Variants in DDX19B observed in about 807,000 individuals in gnomAD.
The protein encoded by DDX19B is DEAD-box helicase 19B, also known as ATP-dependent RNA helicase DDX19B.
In DDX19B, 27 loss-of-function variants were observed where a neutral mutation model predicts 58.1. The ratio of observed to expected loss-of-function variants is 0.46; its 90% CI spans 0.34 to 0.64. The LOEUF is 0.64. DDX19B is among the 30% of genes least tolerant of loss of function. The pLI is 0.01. For missense variants in DDX19B, 399 were observed against 596.5 expected (o/e 0.67, Z 3.45); for synonymous variants, 187 against 214.4 (o/e 0.87, Z 1.12).
intron 5 of DDX19B, among the ~76,000 whole-genome samples, chr16:70,320,475 A>G (rs1267037584): frequency 6.6e-6 from 1 of 151,580 alleles, no homozygotes; most frequent in African/African-American, 2.4e-5. Flanking sequence ...GGCGTAAGCA[A>G]TCCTCCCACC....
chr16:70,314,508 A>G (rs2152197375), intron 2 of DDX19B, among the ~76,000 whole-genome samples: 2 of 151,674 alleles, frequency 1.3e-5, no homozygotes, highest in South Asian at 4.2e-4. Flanking sequence ...TAAAAATACA[A>G]AAAAAATTAG....
In DDX19B at chr16:70,315,953, T is replaced by C; in HGVS notation, c.161-16T>C. The stretch of plus-strand genomic sequence containing the variant: ...CAAGGACTTTTTAAAATTCTTTGCT[T>C]TCTTTTTCCTGACAGAGGACAGAGC... On this transcript the variant is annotated splice_polypyrimidine_tract_variant and intron_variant, in intron 3 of 11. Transcript: ENST00000288071. 6.2e-7 allele frequency: 1 copy of C among 1,607,962 alleles called. No homozygotes were observed. Among genetic ancestry groups the C allele is most frequent in the East Asian group, 2.2e-5 (1 of 44,840 alleles).
rs1454535524 is a variant in DDX19B at position 70,321,031 on chromosome 16, C to T, written c.389+3443C>T. On this transcript the variant is annotated intron_variant, in intron 5 of 11. Transcript: ENST00000288071. ...AGGCTGGAGTGCAATGGCGCGATCT[C>T]GGTTCACCGCAATCTCTGCCTTCCA... 2.7e-5 allele frequency among the ~76,000 whole-genome samples: 4 copies of T among 148,226 alleles called. No homozygotes were observed. In the East Asian group the frequency reaches 8.1e-4, roughly 30 times the overall value.
chr16:70,292,809 CAG>C (rs1567617671), upstream of DDX19B, among the ~76,000 whole-genome samples: 1 of 152,074 alleles, frequency 6.6e-6, no homozygotes, highest in African/African-American at 2.4e-5. Context: ...GCCTGGGCCG[CAG>C]AGTGAAACAA....
intron 2 of DDX19B, among the ~76,000 whole-genome samples, chr16:70,314,519 C>T (rs1962262644): frequency 1.3e-5 from 2 of 151,932 alleles, no homozygotes; most frequent in South Asian, 4.2e-4. Context: ...AAAAAATTAG[C>T]TGGGCGTGGT....
chr16:70,312,926 C>G (rs1329799582), intron 2 of DDX19B, among the ~76,000 whole-genome samples: 1 of 152,180 alleles, frequency 6.6e-6, no homozygotes, highest in African/African-American at 2.4e-5. Context: ...TCACTGGAGC[C>G]TCAACCTCCC....
intron 9 of DDX19B, among the ~76,000 whole-genome samples, chr16:70,330,354 A>G (rs1035277075): frequency 6.6e-5 from 10 of 152,310 alleles, no homozygotes; most frequent in African/African-American, 2.4e-4. Context: ...TGGGAGGCCA[A>G]GGCGGGTGGA....
upstream of DDX19B, among the ~76,000 whole-genome samples, chr16:70,290,540 A>T (rs1293114845): frequency 6.6e-6 from 1 of 152,138 alleles, no homozygotes; most frequent in Non-Finnish European, 1.5e-5. Context: ...AAAAAAATAA[A>T]AAATAAAAAT....
chr16:70,320,928 T>C (rs1307243830), intron 5 of DDX19B, among the ~76,000 whole-genome samples: 6 of 150,214 alleles, frequency 4.0e-5, no homozygotes, highest in Non-Finnish European at 7.4e-5. Flanking sequence ...CCCCAAAGTG[T>C]TGGGATTACA....
At position 70,331,722 on chromosome 16, in the gene DDX19B, A is replaced by T. The variant is rs1433878491; in HGVS notation, c.1024A>T (p.Thr342Ser). 5.0e-6 allele frequency: 8 copies of T among 1,613,400 alleles called. No homozygotes were observed. Among genetic ancestry groups the T allele is most frequent in the Non-Finnish European group, 5.9e-6 (7 of 1,179,838 alleles). The change falls in exon 10 of 12, where the codon ACT becomes TCT. Residue 342 changes from threonine to serine, a missense_variant and splice_region_variant. Thr to Ser is a moderately conservative substitution (Grantham distance 58). This residue lies in a region of DDX19B where 198 missense variants were observed against 345.9 expected (regional missense o/e 0.57). Coordinates refer to ENST00000288071, the MANE Select transcript of DDX19B (RefSeq NM_007242.7). ...TIAQAMIFCH[T>S]RKTASWLAAE... ...TAAAAAACAATTCTTTTCACTACAGACTCGCAAAACAGCTAGTTGGCTGGC... is the reference window on the plus strand; with the variant it reads ...TAAAAAACAATTCTTTTCACTACAGTCTCGCAAAACAGCTAGTTGGCTGGC...
In DDX19B at chr16:70,312,664, A is replaced by G. The variant is rs1962153472; in HGVS notation, c.106+7A>G. On this transcript the variant is annotated splice_region_variant and intron_variant, in intron 2 of 11. Coordinates refer to ENST00000288071, the MANE Select transcript of DDX19B (RefSeq NM_007242.7). ...ATCAAACCAGATACCAATGGTAAGT[A>G]ACTAATAGCTAGTTTGAAAACAAAT... 1.2e-6 allele frequency: 2 copies of G among 1,607,692 alleles called. No homozygotes were observed. The highest frequency in any genetic ancestry group is 1.7e-6 in the Non-Finnish European group (2 of 1,175,394).
chr16:70,294,271 C>A (rs751014207), upstream of DDX19B, among the ~76,000 whole-genome samples: 1 of 151,708 alleles, frequency 6.6e-6, no homozygotes, highest in Non-Finnish European at 1.5e-5. Context: ...TTAGTAGAGA[C>A]GGGGTTTCAC....
chr16:70,294,947 C>A, upstream of DDX19B: 1 of 1,477,352 alleles, frequency 6.8e-7, no homozygotes, highest in South Asian at 1.3e-5. Context: ...GAAGCCAGAC[C>A]CTTTCCTCCC....
intron 8 of DDX19B, among the ~76,000 whole-genome samples, 156 bp downstream of exon 8, chr16:70,329,625 C>T (rs1005960913): frequency 1.3e-5 from 2 of 152,170 alleles, no homozygotes; most frequent in Admixed American, 1.3e-4. Context: ...GCGCTGGCCA[C>T]AGTCCCTCCC....
chr16:70,324,767 A>T, intron 6 of DDX19B, 80 bp downstream of exon 6: 1 of 1,402,598 alleles, frequency 7.1e-7, no homozygotes, highest in South Asian at 1.3e-5. Flanking sequence ...AAGACAAGCT[A>T]TGGGCTGGGT....
At chr16:70,330,185 C>A in intron 9 of DDX19B, 117 bp downstream of exon 9, 1 of 1,251,758 alleles carries the variant, frequency 8.0e-7, no homozygotes, top group South Asian at 1.4e-5. Context: ...GTTTGTTCTC[C>A]TAAGGTTTTA....
upstream of DDX19B, chr16:70,290,043 C>A: frequency 3.7e-6 from 1 of 272,654 alleles, no homozygotes; most frequent in Non-Finnish European, 7.5e-6. Context: ...CTCGATTTGC[C>A]TTTGGAAAAA....
At chr16:70,294,327 C>T (rs1961141357), upstream of DDX19B, among the ~76,000 whole-genome samples, 1 of 151,936 alleles carries the variant, frequency 6.6e-6, no homozygotes, top group Non-Finnish European at 1.5e-5. Context: ...GTGATCCACC[C>T]GCCTCGGCCT....
At chr16:70,289,948 G>A (rs886199437), upstream of DDX19B, 1 of 336,904 alleles carries the variant, frequency 3.0e-6, no homozygotes, top group Non-Finnish European at 6.0e-6. Context: ...TGTGCCCATG[G>A]TTACACTTGT....
Sources: allele counts gnomAD v4.1 joint callset (sites outside exome capture counted in the v4.1 genomes callset), GRCh38; gene constraint gnomAD v4.1.1; regional missense constraint gnomAD v4.1.1; transcripts MANE v1.5; gene names NCBI Gene and HGNC (gene_info 2026-07-23, HGNC 2026-07-21).